The following GLIPR1L2 variants were observed in gnomAD, a reference collection of about 807,000 sequenced individuals.
GLIPR1L2 encodes GLIPR1-like protein 2.
A neutral mutation model predicts 28.4 loss-of-function variants in GLIPR1L2; 21 were observed. That is an observed-to-expected ratio of 0.74 (90% CI 0.52 to 1.06). The LOEUF (loss-of-function observed/expected upper bound fraction) is 1.06. Ranked by LOEUF, GLIPR1L2 falls within the 50% of genes least tolerant of loss-of-function variation. The probability of loss-of-function intolerance (pLI) is 0.00; values close to 1 mark genes in which losing one functional copy is unlikely to be tolerated. For missense variants in GLIPR1L2, 476 were observed against 416.9 expected, an observed-to-expected ratio of 1.14 and a Z score of -1.23; for synonymous variants, 145 against 139.3, an observed-to-expected ratio of 1.04 and a Z score of -0.29.
chr12:75,423,474 A>G, intron 4 of GLIPR1L2: 4 of 849,452 alleles, frequency 4.7e-6, no homozygotes, highest in Non-Finnish European at 5.7e-6. Flanking sequence ...AACATGAGAG[A>G]ATATACTCCA....
intron 1 of GLIPR1L2, among the ~76,000 whole-genome samples, chr12:75,398,134 A>T (rs2045700528): frequency 6.6e-6 from 1 of 151,838 alleles, no homozygotes; most frequent in African/African-American, 2.4e-5. Context: ...AGTTCTGACC[A>T]GCCTGGCCAA....
In GLIPR1L2 at chr12:75,431,285, C is replaced by T. The variant is rs546823324; in HGVS notation, c.*124C>T. 2.5e-4 allele frequency: 143 copies of T among 581,264 alleles called. 1 individual carries two copies. The highest frequency in any genetic ancestry group is 2.3e-3 in the African/African-American group (122 of 53,366). 36.0% of individuals were successfully genotyped at this position (581,264 alleles called of 1,614,324 possible). On this transcript the variant is annotated 3_prime_UTR_variant, in exon 6 of 6. Transcript: ENST00000550916. ...ACAAGAAAGAAAATATGCAAACCAC[C>T]ATTGGAATGTTTTTTATTCCCTTCT...
intron 1 of GLIPR1L2, among the ~76,000 whole-genome samples, chr12:75,409,857 A>G (rs551590233): frequency 4.2e-4 from 62 of 148,398 alleles, no homozygotes; most frequent in African/African-American, 1.4e-3. Flanking sequence ...TAAGATGTAT[A>G]TCTAATCCGA....
In GLIPR1L2 at chr12:75,432,372, G is replaced by A. The variant is rs2046099599; in HGVS notation, c.*1211G>A. The A allele has an allele frequency of 6.6e-6, 1 of 152,012 alleles. No homozygotes were observed. The highest frequency in any genetic ancestry group is 1.5e-5 in the Non-Finnish European group (1 of 67,960). 9.4% of individuals were successfully genotyped at this position (152,012 alleles called of 1,614,324 possible). On this transcript the variant is annotated 3_prime_UTR_variant, in exon 6 of 6. Transcript: ENST00000550916. ...GAACTTATTCTAATTGAGAATCAGA[G>A]GCTTAATAAACCTGAAGGTTTAAGT...
rs373043592 is a variant in GLIPR1L2 at position 75,417,086 on chromosome 12, CAATATTACTTA to C, written c.584+3389_584+3399del. Among the ~76,000 whole-genome samples the C allele has an allele frequency of 2.7e-3, 403 of 152,002 alleles. 2 individuals carry two copies. The highest frequency in any genetic ancestry group is 9.3e-3 in the African/African-American group (386 of 41,410). ...TTAGGTCCTAATTTCCAGAACCTGT[CAATATTACTTA>C]AATGGCAAAAGTGTGAATATTACCT... On this transcript the variant is annotated intron_variant, in intron 3 of 5. Transcript: ENST00000550916.
At position 75,391,155 on chromosome 12, in the gene GLIPR1L2, C is replaced by T; in HGVS notation, c.39C>T (p.Ala13=). The T allele has an allele frequency of 6.2e-7, 1 of 1,614,102 alleles. No individual in the cohort carries two copies. The highest frequency in any genetic ancestry group is 1.7e-5 in the Admixed American group (1 of 60,026). ...AARPFAREWR[A]QSLPLAVGGV... Reference sequence around the variant, plus strand: ...GGCCCTTCGCCCGGGAGTGGAGGGCCCAGTCCCTACCCCTGGCAGTAGGGG... The same window carrying T: ...GGCCCTTCGCCCGGGAGTGGAGGGCTCAGTCCCTACCCCTGGCAGTAGGGG... The change falls in exon 1 of 6, where the codon GCC becomes GCT. Residue 13 remains alanine (A), a synonymous_variant. Coordinates refer to ENST00000550916, the MANE Select transcript of GLIPR1L2 (RefSeq NM_001270396.2).
Position 75,394,763 on chromosome 12 carries a change from C to CAAAAAAAAAAA in GLIPR1L2, c.234+3424_234+3434dup, listed in dbSNP as rs71078727. 2.2e-3 allele frequency among the ~76,000 whole-genome samples: 173 copies of CAAAAAAAAAAA among 80,246 alleles called. 2 individuals carry two copies. Among genetic ancestry groups the CAAAAAAAAAAA allele is most frequent in the Non-Finnish European group, 2.4e-3 (100 of 41,022 alleles). 52.6% of individuals were successfully genotyped at this position (80,246 alleles called of 152,430 possible). ...TTTGAGATGTATTTTTGTATTTCTGCAAAAAAAAAAAAAAAAAAAAACATT... is the reference window on the plus strand; with the variant it reads ...TTTGAGATGTATTTTTGTATTTCTGCAAAAAAAAAAAAAAAAAAAAAAAAAAAAAAAACATT... On this transcript the variant is annotated intron_variant, in intron 1 of 5. Transcript: ENST00000550916.
At chr12:75,406,657 C>T (rs1251597510) in intron 1 of GLIPR1L2, among the ~76,000 whole-genome samples, 1 of 149,518 alleles carries the variant, frequency 6.7e-6, no homozygotes, top group African/African-American at 2.5e-5. Flanking sequence ...ACTAGGGAGG[C>T]TAACAAAGGA....
At chr12:75,391,537 T>C (rs1197568425) in intron 1 of GLIPR1L2, 187 bp downstream of exon 1, 1 of 1,526,482 alleles carries the variant, frequency 6.6e-7, no homozygotes, top group Non-Finnish European at 8.8e-7. Flanking sequence ...CACATGCTTA[T>C]TACCATGATA....
chr12:75,420,071 AGAAGTAGT>A, intron 3 of GLIPR1L2, among the ~76,000 whole-genome samples: 1 of 152,354 alleles, frequency 6.6e-6, no homozygotes, highest in Non-Finnish European at 1.5e-5. Context: ...GTGATACATA[AGAAGTAGT>A]GAAAAATGAA....
chr12:75,420,794 T>C (rs1013450083), intron 3 of GLIPR1L2, among the ~76,000 whole-genome samples: 7 of 152,176 alleles, frequency 4.6e-5, no homozygotes, highest in Admixed American at 1.3e-4. Flanking sequence ...AAGATTAACA[T>C]AGGGGAGGGT....
chr12:75,405,751 C>G (rs2045791513), intron 1 of GLIPR1L2, among the ~76,000 whole-genome samples: 1 of 152,012 alleles, frequency 6.6e-6, no homozygotes, highest in Admixed American at 6.6e-5. Flanking sequence ...CTCTTTCGGC[C>G]TTCAACAAAT....
intron 1 of GLIPR1L2, among the ~76,000 whole-genome samples, chr12:75,393,697 A>G (rs1235665113): frequency 6.6e-6 from 1 of 152,072 alleles, no homozygotes; most frequent in Admixed American, 6.5e-5. Context: ...TAATACTGCT[A>G]TAGACATGGG....
At chr12:75,413,317 C>T (rs12424262) in intron 2 of GLIPR1L2, among the ~76,000 whole-genome samples, 26,118 of 150,362 alleles carry the variant, frequency 0.17, 2,464 homozygotes, top group Admixed American at 0.23. Context: ...GCACATTGTG[C>T]ACATGTACCC....
rs575958307 is a variant in GLIPR1L2 at position 75,421,539 on chromosome 12, A to C, written c.585-1365A>C. On this transcript the variant is annotated intron_variant, in intron 3 of 5. Transcript: ENST00000550916. ...TTTTTATAGCTCCCAATTATATACC[A>C]GGTAAATAGGCAATACTGATTAAAT... is the stretch of plus-strand genomic sequence containing the variant. Among the ~76,000 whole-genome samples the C allele has an allele frequency of 6.6e-5, 10 of 152,356 alleles. No individual in the cohort carries two copies. In the East Asian group the frequency reaches 1.3e-3, roughly 21 times the overall value.
chr12:75,391,530 A>C (rs914913157), intron 1 of GLIPR1L2, 180 bp downstream of exon 1: 7 of 1,527,072 alleles, frequency 4.6e-6, no homozygotes, highest in Middle Eastern at 1.7e-4. Context: ...ACTCTAACAC[A>C]TGCTTATTAC....
chr12:75,429,934 C>CTTTTCT (rs113964308), intron 4 of GLIPR1L2, among the ~76,000 whole-genome samples: 23 of 128,632 alleles, frequency 1.8e-4, no homozygotes, highest in African/African-American at 6.3e-4. Flanking sequence ...CTTTTCTTTT[C>CTTTTCT]TTTCTTTTTT....
intron 1 of GLIPR1L2, among the ~76,000 whole-genome samples, chr12:75,394,394 TTTGAG>T (rs1290889366): frequency 6.6e-6 from 1 of 152,074 alleles, no homozygotes; most frequent in Non-Finnish European, 1.5e-5. Flanking sequence ...GTTTTAGGTC[TTTGAG>T]TTAAGTTTTG....
intron 3 of GLIPR1L2, among the ~76,000 whole-genome samples, chr12:75,414,282 T>C (rs2045902666): frequency 1.3e-5 from 2 of 152,054 alleles, no homozygotes; most frequent in African/African-American, 2.4e-5. Context: ...AGCTTCCATT[T>C]CTTGAGAGCT....
Sources: gnomAD v4.1 joint callset for allele counts (sites outside exome capture counted in the v4.1 genomes callset) on GRCh38, gnomAD v4.1.1 for gene constraint, MANE v1.5 for transcripts, NCBI Gene and HGNC (gene_info 2026-07-23, HGNC 2026-07-21) for gene names.